Variants in COL5A2 observed in about 807,000 individuals in gnomAD.
The protein encoded by COL5A2 is collagen alpha-2(V) chain.
COL5A2 carries 23 observed loss-of-function variants against 208.2 expected under a neutral mutation model. The observed-to-expected ratio is 0.11, with a 90% CI of 0.08 to 0.16. COL5A2 has a LOEUF of 0.16. Among genes scored for constraint, COL5A2 ranks in the 10% least tolerant of loss-of-function variants. The pLI is 1.00. For missense variants in COL5A2, 1,590 were observed against 1,956.4 expected (o/e 0.81, Z 3.53); for synonymous variants, 625 against 628.5 (o/e 0.99, Z 0.08).
intron 51 of COL5A2, among the ~76,000 whole-genome samples, chr2:189,038,037 G>A (rs1187135358): frequency 1.3e-5 from 2 of 151,910 alleles, no homozygotes; most frequent in African/African-American, 4.8e-5. Flanking sequence ...TTTTTTTAAA[G>A]TTAACATTTA....
the COL5A2 span, among the ~76,000 whole-genome samples, chr2:189,379,842 A>G: frequency 6.6e-6 from 1 of 152,178 alleles, no homozygotes; most frequent in African/African-American, 2.4e-5. Context: ...CTGCTCAGAA[A>G]GAAGGTAAAT....
At chr2:189,321,052 T>A in the COL5A2 span, among the ~76,000 whole-genome samples, 10 of 152,320 alleles carry the variant, frequency 6.6e-5, no homozygotes, top group African/African-American at 2.4e-4. Context: ...CAGAATTTCA[T>A]ATCCAGCCAA....
At chr2:189,314,894 C>T in the COL5A2 span, among the ~76,000 whole-genome samples, 1 of 152,106 alleles carries the variant, frequency 6.6e-6, no homozygotes, top group Non-Finnish European at 1.5e-5. Context: ...GAAACTGAAT[C>T]CCTGAACAGA....
Position 189,032,613 on chromosome 2 carries a change from T to C in COL5A2, c.*1457A>G, listed in dbSNP as rs1420457660. On this transcript the variant is annotated 3_prime_UTR_variant, in exon 54 of 54. Coordinates refer to ENST00000374866, the MANE Select transcript of COL5A2 (RefSeq NM_000393.5). ...TTTTGGGATGGTCCCAGCTGTTTAT[T>C]TTAAAAGAAAAAAATTAAAATAGAG... The C allele has an allele frequency of 1.3e-5, 2 of 152,068 alleles. No individual in the cohort carries two copies. The highest frequency in any genetic ancestry group is 2.9e-5 in the Non-Finnish European group (2 of 67,986). The allele number at this position is 152,068 out of a possible 1,614,324, so 9.4% of individuals were successfully genotyped here. A position where few individuals can be genotyped will look rare whatever the true frequency, so the allele number is the denominator to read the frequency against.
chr2:189,300,936 C>T, the COL5A2 span, among the ~76,000 whole-genome samples: 1 of 152,082 alleles, frequency 6.6e-6, no homozygotes, highest in African/African-American at 2.4e-5. Flanking sequence ...CCTATAATTC[C>T]AGCCCTTTGG....
intron 1 of COL5A2, among the ~76,000 whole-genome samples, chr2:189,141,203 A>T (rs897694184): frequency 3.3e-4 from 51 of 152,288 alleles, no homozygotes; most frequent in Middle Eastern, 3.4e-3. Flanking sequence ...AGCTGGAAAT[A>T]TAGTGTGCAG....
the COL5A2 span, among the ~76,000 whole-genome samples, chr2:189,234,631 G>A: frequency 6.6e-6 from 1 of 151,806 alleles, no homozygotes; most frequent in African/African-American, 2.4e-5. Flanking sequence ...CTGGTCTTCT[G>A]AGAGTACAGC....
upstream of COL5A2, chr2:189,179,914 T>C: frequency 1.8e-6 from 1 of 550,886 alleles, no homozygotes; most frequent in Non-Finnish European, 3.2e-6. Context: ...AGAACACGCG[T>C]CTCTGTGCCT....
chr2:189,165,811 T>C (rs754156406), intron 1 of COL5A2, among the ~76,000 whole-genome samples: 2 of 152,206 alleles, frequency 1.3e-5, no homozygotes, highest in Non-Finnish European at 2.9e-5. Flanking sequence ...ACAGGAACTC[T>C]TGGGAAGCTC....
In COL5A2 at chr2:189,166,914, T is replaced by C. The variant is rs189096506; in HGVS notation, c.97+12594A>G. Among the ~76,000 whole-genome samples the C allele has an allele frequency of 9.7e-4, 147 of 152,174 alleles. 1 individual carries two copies. Among genetic ancestry groups the C allele is most frequent in the Admixed American group, 7.6e-3 (116 of 15,284 alleles). ...CCCATGAGGCTCGGAAAGAAAAGAA[T>C]GCCAAACAGGTAAATTGTGATAAGA... On this transcript the variant is annotated intron_variant, in intron 1 of 53. Coordinates refer to ENST00000374866, the MANE Select transcript of COL5A2 (RefSeq NM_000393.5).
At chr2:189,224,127 T>C (rs1340353140) in intron 1 of COL5A2, among the ~76,000 whole-genome samples, 1 of 151,704 alleles carries the variant, frequency 6.6e-6, no homozygotes, top group Non-Finnish European at 1.5e-5. Context: ...TAAAAATAAC[T>C]GCCTGTTTCC....
chr2:189,157,591 T>C (rs1275769118), intron 1 of COL5A2, among the ~76,000 whole-genome samples: 1 of 152,036 alleles, frequency 6.6e-6, no homozygotes, highest in Admixed American at 6.6e-5. Flanking sequence ...ATCCAGACTA[T>C]TATCTACTTC....
chr2:189,098,854 G>A lies in COL5A2; in HGVS notation c.370-95C>T, dbSNP rs996035280. 40 of 881,498 alleles carry A rather than the reference G, an allele frequency of 4.5e-5. No homozygotes were observed. The African/African-American group carries it at 6.3e-4, about 14-fold the overall frequency. 54.6% of individuals were successfully genotyped at this position (881,498 alleles called of 1,614,324 possible). A position where few individuals can be genotyped will look rare whatever the true frequency, so the allele number is the denominator to read the frequency against. On this transcript the variant is annotated intron_variant, in intron 4 of 53. Transcript: ENST00000374866. Reference sequence around the variant, plus strand: ...AATAAGAATAACAACAAAAACCACAGTAATTTTTTTAACAAATGGATGTTG... The same window carrying A: ...AATAAGAATAACAACAAAAACCACAATAATTTTTTTAACAAATGGATGTTG...
At chr2:189,194,255 A>C (rs1291250855) in intron 1 of COL5A2, among the ~76,000 whole-genome samples, 1 of 152,168 alleles carries the variant, frequency 6.6e-6, no homozygotes, top group East Asian at 1.9e-4. Flanking sequence ...CTACATTTTT[A>C]ATATAGCATT....
chr2:189,159,369 A>G (rs944962711), intron 1 of COL5A2, among the ~76,000 whole-genome samples: 2 of 152,208 alleles, frequency 1.3e-5, no homozygotes, highest in Admixed American at 6.5e-5. Context: ...AATGTCTAAC[A>G]TGGTGCTTAG....
rs188885228 is a variant in COL5A2 at position 189,192,124 on chromosome 2, T to C, written c.-42+33024A>G. 6.0e-4 allele frequency among the ~76,000 whole-genome samples: 92 copies of C among 152,316 alleles called. 1 individual carries two copies. Among genetic ancestry groups the C allele is most frequent in the African/African-American group, 2.0e-3 (82 of 41,564 alleles). ...ATCAACACAGCAGAGAAGTGGAAGATACACACAGGTAGGTTCCTCATTTAT... is the reference window on the plus strand; with the variant it reads ...ATCAACACAGCAGAGAAGTGGAAGACACACACAGGTAGGTTCCTCATTTAT... On this transcript the variant is annotated intron_variant, in intron 1 of 10. Coordinates refer to the COL5A2 transcript ENST00000649966.
intron 13 of COL5A2, among the ~76,000 whole-genome samples, chr2:189,080,672 G>A (rs1686510821): frequency 6.6e-6 from 1 of 152,068 alleles, no homozygotes; most frequent in South Asian, 2.1e-4. Context: ...TACAGGAATT[G>A]CCTACCTTTT....
chr2:189,384,895 T>C, the COL5A2 span, among the ~76,000 whole-genome samples: 85,935 of 152,024 alleles, frequency 0.57, 26,091 homozygotes, highest in East Asian at 0.69. Flanking sequence ...CATTTCCCTA[T>C]TCTTTATCAT....
chr2:189,055,542 GTC>G (rs1419121068), intron 35 of COL5A2, among the ~76,000 whole-genome samples: 1 of 152,148 alleles, frequency 6.6e-6, no homozygotes, highest in Non-Finnish European at 1.5e-5. Context: ...TGTTCTTATA[GTC>G]TCTGGATCTA....
Sources: allele counts gnomAD v4.1 joint callset (sites outside exome capture counted in the v4.1 genomes callset), GRCh38; gene constraint gnomAD v4.1.1; transcripts MANE v1.5; gene names NCBI Gene and HGNC (gene_info 2026-07-23, HGNC 2026-07-21).